Variants in WDR27 observed in about 807,000 individuals in gnomAD.
WDR27 encodes WD repeat domain 27.
In WDR27, 100 loss-of-function variants were observed where a neutral mutation model predicts 114.4. The observed-to-expected ratio is 0.87, with a 90% CI of 0.74 to 1.03. The LOEUF (loss-of-function observed/expected upper bound fraction) is 1.03, where lower values mean the gene tolerates loss of function less well. WDR27 is among the 50% of genes least tolerant of loss of function. WDR27 has a pLI of 0.00. For missense variants in WDR27, 1,129 were observed against 1,092.9 expected, an observed-to-expected ratio of 1.03 and a Z score of -0.47; for synonymous variants, 449 against 423.1, an observed-to-expected ratio of 1.06 and a Z score of -0.75.
intron 25 of WDR27, among the ~76,000 whole-genome samples, chr6:169,498,925 A>G (rs1024107623): frequency 6.6e-5 from 10 of 152,342 alleles, no homozygotes; most frequent in African/African-American, 1.9e-4. Flanking sequence ...GACACATGTA[A>G]TAATACTGCA....
intron 22 of WDR27, among the ~76,000 whole-genome samples, chr6:169,611,307 T>C (rs1810468818): frequency 7.0e-4 from 1 of 1,434 alleles, no homozygotes; most frequent in African/African-American, 9.4e-4. Flanking sequence ...TTTTACTTAC[T>C]TTTTTTTTTT....
intron 25 of WDR27, among the ~76,000 whole-genome samples, chr6:169,553,605 A>C (rs1798483241): frequency 6.6e-6 from 1 of 152,124 alleles, no homozygotes; most frequent in Non-Finnish European, 1.5e-5. Context: ...CAAGCGCTTT[A>C]AATCTCAGGC....
intron 25 of WDR27, among the ~76,000 whole-genome samples, chr6:169,470,057 C>T (rs995336782): frequency 6.6e-6 from 1 of 152,198 alleles, no homozygotes; most frequent in African/African-American, 2.4e-5. Flanking sequence ...TATCCAATTC[C>T]ATTGCTCACA....
chr6:169,500,462 C>T (rs1791031066), intron 25 of WDR27, among the ~76,000 whole-genome samples: 1 of 152,074 alleles, frequency 6.6e-6, no homozygotes, highest in Admixed American at 6.5e-5. Context: ...GGAGAGTCAC[C>T]CATCTTCATC....
rs111353529 is a variant in WDR27 at position 169,627,043 on chromosome 6, C to T, written c.2223+5904G>A. 3.3e-3 allele frequency among the ~76,000 whole-genome samples: 505 copies of T among 152,296 alleles called. 2 individuals carry two copies. Among genetic ancestry groups the T allele is most frequent in the African/African-American group, 0.012 (490 of 41,564 alleles). On this transcript the variant is annotated intron_variant, in intron 21 of 25. Transcript: ENST00000448612. ...AGAGTTCTGATGTGAAAGGCCACAG[C>T]GGCTGTAACTCAGGACTGGTCCTCC...
At chr6:169,466,971 T>C (rs111490916) in intron 25 of WDR27, among the ~76,000 whole-genome samples, 1,809 of 152,230 alleles carry the variant, frequency 0.012, 41 homozygotes, top group African/African-American at 0.041. Context: ...AATGGGAGTA[T>C]AGACATTGGG....
intron 25 of WDR27, among the ~76,000 whole-genome samples, chr6:169,483,113 C>G (rs192396386): frequency 6.6e-6 from 1 of 152,078 alleles, no homozygotes; most frequent in African/African-American, 2.4e-5. Context: ...AGTAACATGA[C>G]GACTAAAAGA....
intron 1 of WDR27, among the ~76,000 whole-genome samples, chr6:169,699,889 G>A (rs1249316723): frequency 6.6e-6 from 1 of 152,124 alleles, no homozygotes. Flanking sequence ...GGCTGAGGTG[G>A]GAGGATCGTT....
intron 23 of WDR27, among the ~76,000 whole-genome samples, chr6:169,587,645 C>G (rs1339814169): frequency 6.6e-6 from 1 of 152,226 alleles, no homozygotes. Context: ...CATCCTTCAC[C>G]TTCCCTTTGC....
rs1256733592 is a variant in WDR27 at position 169,617,881 on chromosome 6, C to T, written c.2224-4225G>A. Among the ~76,000 whole-genome samples, 4 of 152,134 alleles carry T rather than the reference C, an allele frequency of 2.6e-5. No homozygotes were observed. In the South Asian group the frequency reaches 8.3e-4, roughly 31 times the overall value. On this transcript the variant is annotated intron_variant, in intron 21 of 25. Transcript: ENST00000448612. ...AACTTGTTTGTCTAACTCTGCAGCT[C>T]GATTTTACAGCCTGCTCTTCGTTAG...
intron 25 of WDR27, among the ~76,000 whole-genome samples, chr6:169,482,382 C>A (rs1195735119): frequency 6.6e-6 from 1 of 152,190 alleles, no homozygotes; most frequent in East Asian, 1.9e-4. Flanking sequence ...ACACTGTCTT[C>A]CACAATGGTT....
chr6:169,509,022 A>G (rs1369512784), intron 25 of WDR27, among the ~76,000 whole-genome samples: 3 of 152,232 alleles, frequency 2.0e-5, no homozygotes, highest in Non-Finnish European at 2.9e-5. Flanking sequence ...GTGAACTCCC[A>G]TTCACAATTG....
intron 25 of WDR27, among the ~76,000 whole-genome samples, chr6:169,512,147 G>C (rs901388761): frequency 3.9e-5 from 6 of 152,064 alleles, no homozygotes; most frequent in Admixed American, 1.3e-4. Context: ...ATATTTTTTA[G>C]ATTGCCCTAC....
intron 25 of WDR27, among the ~76,000 whole-genome samples, chr6:169,501,632 T>C (rs570259386): frequency 1.3e-5 from 2 of 152,344 alleles, no homozygotes; most frequent in East Asian, 3.9e-4. Context: ...TCCCACGAAC[T>C]GTAGGACTCG....
At chr6:169,488,921 C>T (rs932902438) in intron 25 of WDR27, among the ~76,000 whole-genome samples, 7 of 148,888 alleles carry the variant, frequency 4.7e-5, no homozygotes, top group Non-Finnish European at 1.0e-4. Context: ...TGTGGGTGGG[C>T]GTCAAATGGC....
intron 25 of WDR27, among the ~76,000 whole-genome samples, chr6:169,496,971 G>T (rs185705693): frequency 1.1e-4 from 16 of 152,228 alleles, no homozygotes; most frequent in Admixed American, 3.3e-4. Context: ...TCAAGAGACT[G>T]TGAATAGCCA....
intron 25 of WDR27, among the ~76,000 whole-genome samples, chr6:169,477,933 T>C (rs1308389333): frequency 6.6e-6 from 1 of 152,152 alleles, no homozygotes; most frequent in East Asian, 1.9e-4. Flanking sequence ...AAATGTGACA[T>C]ATCTATGCAA....
intron 25 of WDR27, among the ~76,000 whole-genome samples, chr6:169,540,759 T>G (rs1796743117): frequency 6.6e-6 from 1 of 152,120 alleles, no homozygotes; most frequent in Admixed American, 6.5e-5. Flanking sequence ...CCCCGAGATC[T>G]TCTCAAAATT....
At chr6:169,438,458 T>C in the WDR27 span, among the ~76,000 whole-genome samples, 147,008 of 151,900 alleles carry the variant, frequency 0.97, 71,166 homozygotes, top group African/African-American at 0.99. Context: ...AGGATGGTCT[T>C]GATCTCCTGA....
Sources: allele counts gnomAD v4.1 joint callset (sites outside exome capture counted in the v4.1 genomes callset), GRCh38; gene constraint gnomAD v4.1.1; transcripts MANE v1.5; gene names NCBI Gene and HGNC (gene_info 2026-07-23, HGNC 2026-07-21).